Variants in CFH observed in about 807,000 individuals in gnomAD.
CFH encodes the protein H factor 1 (complement).
Under a neutral mutation model 147.3 loss-of-function variants are expected in CFH, and 53 were observed. That is an observed-to-expected ratio of 0.36 (90% CI 0.29 to 0.45). The LOEUF is 0.45. Among genes scored for constraint, CFH ranks in the 20% least tolerant of loss-of-function variants. The pLI is 1.00. For synonymous variants in CFH, 536 were observed against 489.4 expected (o/e 1.10, Z -1.26); for missense variants, 1,380 against 1,498.0 (o/e 0.92, Z 1.30).
At chr1:196,721,870 A>G (rs1669007681) in intron 11 of CFH, among the ~76,000 whole-genome samples, 1 of 151,464 alleles carries the variant, frequency 6.6e-6, no homozygotes, top group Non-Finnish European at 1.5e-5. Context: ...ACTATACCAA[A>G]TGCTTTTTGT....
chr1:196,724,766 T>C (rs974040834), intron 11 of CFH, among the ~76,000 whole-genome samples: 6 of 152,232 alleles, frequency 3.9e-5, no homozygotes, highest in African/African-American at 1.4e-4. Flanking sequence ...AATTCTGGTC[T>C]ATATGCACTT....
chr1:196,725,789 A>G (rs1669122751), intron 12 of CFH, among the ~76,000 whole-genome samples: 1 of 152,152 alleles, frequency 6.6e-6, no homozygotes, highest in East Asian at 1.9e-4. Flanking sequence ...TCCAGGAGCT[A>G]ATAGAGTGAG....
intron 15 of CFH, 65 bp downstream of exon 15, chr1:196,728,587 G>T (rs1669205595): frequency 1.3e-6 from 2 of 1,506,154 alleles, no homozygotes; most frequent in East Asian, 2.3e-5. Flanking sequence ...ATAGGTATGT[G>T]TGTCTTTTAA....
intron 9 of CFH, among the ~76,000 whole-genome samples, chr1:196,711,907 T>C (rs1464557985): frequency 3.9e-5 from 6 of 152,130 alleles, no homozygotes; most frequent in Non-Finnish European, 7.4e-5. Context: ...GGAGTTGCTG[T>C]GGAAATTTGT....
At chr1:196,701,249 GA>G in intron 9 of CFH, 1 of 1,609,534 alleles carries the variant, frequency 6.2e-7, no homozygotes, top group Non-Finnish European at 8.5e-7. Flanking sequence ...AGTTAGTCCT[GA>G]AGGAGTTGCT....
At chr1:196,697,894 T>A (rs1441667688) in intron 9 of CFH, among the ~76,000 whole-genome samples, 2 of 150,918 alleles carry the variant, frequency 1.3e-5, no homozygotes, top group African/African-American at 4.9e-5. Context: ...CTCAGCAAAC[T>A]ATGGCAATGA....
Position 196,677,574 on chromosome 1 carries a change from T to C in CFH, c.526T>C (p.Phe176Leu), listed in dbSNP as rs762132970. The C allele has an allele frequency of 1.2e-5, 20 of 1,613,268 alleles. No homozygotes were observed. In the East Asian group the frequency reaches 3.1e-4, roughly 25 times the overall value. ...REYHFGQAVR[F>L]VCNSGYKIEG... ...ATACCATTTTGGACAAGCAGTACGG[T>C]TTGTATGTAACTCAGGCTACAAGAT... Residue 176 changes from phenylalanine (F) to leucine (L), a missense_variant, in exon 5 of 22, where the codon TTT becomes CTT. By Grantham distance (22) the Phe-to-Leu change is conservative. Transcript: ENST00000367429.
In CFH at chr1:196,726,827, CTTA is replaced by C. The variant is rs1291819108; in HGVS notation, c.2127_2129del (p.Tyr711del). On this transcript the variant is annotated inframe_deletion, in exon 14 of 22. Coordinates refer to ENST00000367429, the MANE Select transcript of CFH (RefSeq NM_000186.4). ...GGCTGGGCCCAGCTTTCTTCCCCTC[CTTA>C]TTACTATGGAGATTCAGTGGAATTC... The C allele has an allele frequency of 1.2e-6, 2 of 1,613,770 alleles. No homozygotes were observed. Among genetic ancestry groups the C allele is most frequent in the South Asian group, 2.2e-5 (2 of 91,072 alleles).
chr1:196,692,408 A>T (rs12124794), intron 9 of CFH: 132,826 of 807,224 alleles, frequency 0.16, 12,378 homozygotes, highest in East Asian at 0.33. Flanking sequence ...CCTTGATTAG[A>T]TATGCAATTT....
chr1:196,670,140 G>A (rs1667228581), intron 1 of CFH, among the ~76,000 whole-genome samples: 2 of 152,176 alleles, frequency 1.3e-5, no homozygotes, highest in Non-Finnish European at 1.5e-5. Flanking sequence ...TTTACCCAAT[G>A]CCTGTATTCC....
intron 6 of CFH, among the ~76,000 whole-genome samples, chr1:196,680,441 T>C (rs35855516): frequency 0.015 from 2,210 of 151,948 alleles, 57 homozygotes; most frequent in African/African-American, 0.05. Context: ...CTTAACCTAC[T>C]TCATTTTAAA....
chr1:196,686,900 C>T (rs909803021), intron 7 of CFH, among the ~76,000 whole-genome samples: 3 of 152,026 alleles, frequency 2.0e-5, no homozygotes, highest in African/African-American at 4.8e-5. Context: ...ATCTAATTAT[C>T]AGACGCATGA....
Position 196,742,151 on chromosome 1 carries a change from G to T in CFH, c.3133+100G>T, listed in dbSNP as rs955289758. 2.7e-6 allele frequency: 3 copies of T among 1,105,950 alleles called. No individual in the cohort carries two copies. In the African/African-American group the frequency reaches 4.7e-5, roughly 17 times the overall value. The allele number at this position is 1,105,950 out of a possible 1,614,324, so 68.5% of individuals were successfully genotyped here. A position where few individuals can be genotyped will look rare whatever the true frequency, so the allele number is the denominator to read the frequency against. On this transcript the variant is annotated intron_variant, in intron 19 of 21. Coordinates refer to ENST00000367429, the MANE Select transcript of CFH (RefSeq NM_000186.4). ...GCACTTTGGGAGGCCGAGGTGGGCG[G>T]ATCACTTGAGGTCAGGAGTTCGAGA...
intron 9 of CFH, among the ~76,000 whole-genome samples, chr1:196,700,253 C>T (rs896731359): frequency 2.6e-5 from 4 of 152,138 alleles, no homozygotes; most frequent in African/African-American, 9.7e-5. Flanking sequence ...TTCTCATGTC[C>T]TTGTTTGGTG....
chr1:196,671,587 TACAC>T (rs551313147), intron 1 of CFH, among the ~76,000 whole-genome samples: 2,071 of 129,468 alleles, frequency 0.016, 40 homozygotes, highest in African/African-American at 0.041. Flanking sequence ...AAAAGACTAA[TACAC>T]ACACACACAC....
chr1:196,721,049 A>T (rs189711360), intron 11 of CFH, among the ~76,000 whole-genome samples: 1 of 151,840 alleles, frequency 6.6e-6, no homozygotes, highest in Non-Finnish European at 1.5e-5. Context: ...TTCTCTGATG[A>T]TTACTGATAT....
chr1:196,653,334 CAT>C (rs1388255246), intron 1 of CFH, among the ~76,000 whole-genome samples: 1 of 151,692 alleles, frequency 6.6e-6, no homozygotes, highest in Non-Finnish European at 1.5e-5. Flanking sequence ...TTTCCTTGTA[CAT>C]ATAAATATTA....
At chr1:196,700,822 G>A (rs1668429913) in intron 9 of CFH, 24 of 985,246 alleles carry the variant, frequency 2.4e-5, no homozygotes, top group Non-Finnish European at 2.9e-5. Context: ...TTCTGTGTTG[G>A]CAGGGCAGTG....
chr1:196,743,333 A>G, intron 19 of CFH, 119 bp from the exon 20 acceptor site: 6 of 1,402,022 alleles, frequency 4.3e-6, no homozygotes, highest in Non-Finnish European at 5.9e-6. Context: ...TCAACAAAAT[A>G]TTTGATGAGA....
Sources: allele counts gnomAD v4.1 joint callset (sites outside exome capture counted in the v4.1 genomes callset), GRCh38; gene constraint gnomAD v4.1.1; transcripts MANE v1.5; gene names NCBI Gene and HGNC (gene_info 2026-07-23, HGNC 2026-07-21).